The following ITPR1 variants were observed in gnomAD, a reference collection of about 807,000 sequenced individuals.
ITPR1 encodes inositol 1,4,5-trisphosphate-gated calcium channel ITPR1.
ITPR1 carries 96 observed loss-of-function variants against 318.4 expected under a neutral mutation model. That is an observed-to-expected ratio of 0.30 (90% CI 0.26 to 0.36). The LOEUF is 0.36. Ranked by LOEUF, ITPR1 falls within the 10% of genes least tolerant of loss-of-function variation. The pLI, the probability that ITPR1 is intolerant of heterozygous loss-of-function variation, is 1.00. For missense variants in ITPR1, 2,440 were observed against 3,460.2 expected (o/e 0.71, Z 7.40); for synonymous variants, 1,312 against 1,289.9 (o/e 1.02, Z -0.37).
chr3:4,788,998 C>T (rs558705367), intron 52 of ITPR1, among the ~76,000 whole-genome samples: 18 of 152,294 alleles, frequency 1.2e-4, no homozygotes, highest in South Asian at 6.2e-4. Context: ...TGAGCAGGCA[C>T]GGACCAGTGC....
chr3:4,507,400 T>C (rs192431861), intron 2 of ITPR1, among the ~76,000 whole-genome samples: 56 of 152,246 alleles, frequency 3.7e-4, no homozygotes, highest in Middle Eastern at 3.4e-3. Context: ...GAGGGAGAAA[T>C]TGAAGGCTTA....
chr3:4,814,245 C>T lies in ITPR1; in HGVS notation c.7562-178C>T, dbSNP rs1450821185. The T allele has an allele frequency of 7.5e-6, 5 of 668,388 alleles. No individual in the cohort carries two copies. In the Admixed American group the frequency reaches 1.1e-4, roughly 15 times the overall value. The allele number at this position is 668,388 out of a possible 1,614,324, so 41.4% of individuals were successfully genotyped here. A position where few individuals can be genotyped will look rare whatever the true frequency, so the allele number is the denominator to read the frequency against. ...AATTAGCGGGGGTTAGCGATGAAAA[C>T]AGTTGCCCCAGACGACTTTAGCTTT... On this transcript the variant is annotated intron_variant, in intron 57 of 61. Transcript: ENST00000649015.
Position 4,699,805 on chromosome 3 carries a change from T to C in ITPR1, c.4408-8T>C. 1 of 1,613,688 alleles carries C rather than the reference T, an allele frequency of 6.2e-7. No homozygotes were observed. The highest frequency in any genetic ancestry group is 8.5e-7 in the Non-Finnish European group (1 of 1,179,638). On this transcript the variant is annotated splice_region_variant and splice_polypyrimidine_tract_variant and intron_variant, in intron 34 of 61. Transcript: ENST00000649015. The stretch of plus-strand genomic sequence containing the variant: ...GTGTAATGCTTAACATACCCACTTG[T>C]CTTCCAGGCCTGTAACAACACTAGT...
intron 52 of ITPR1, among the ~76,000 whole-genome samples, chr3:4,789,596 GTTTTGTTTTTGTTTTTGT>G (rs71053444): frequency 1.7e-4 from 18 of 108,078 alleles, no homozygotes; most frequent in African/African-American, 2.6e-4. Context: ...ATCCTGAGGT[GTTTTGTTTTTGTTTTTGT>G]TTTTGTTTTT....
chr3:4,714,170 G>A (rs933380164), intron 39 of ITPR1, among the ~76,000 whole-genome samples: 2 of 152,032 alleles, frequency 1.3e-5, no homozygotes, highest in African/African-American at 4.8e-5. Flanking sequence ...GAAGCATGAC[G>A]CACAGGGCAG....
chr3:4,821,381 G>A (rs1487139309), intron 60 of ITPR1, among the ~76,000 whole-genome samples: 2 of 152,200 alleles, frequency 1.3e-5, no homozygotes, highest in Non-Finnish European at 2.9e-5. Flanking sequence ...AGAACCAATG[G>A]AAAAGCCCTC....
At chr3:4,612,063 CTTT>C (rs34678180) in intron 4 of ITPR1, among the ~76,000 whole-genome samples, 5,297 of 108,482 alleles carry the variant, frequency 0.049, 98 homozygotes, top group Middle Eastern at 0.11. Flanking sequence ...GTATCAGGCC[CTTT>C]TTTTTTTTTT....
chr3:4,673,577 T>TTTTG (rs58112934), intron 21 of ITPR1, among the ~76,000 whole-genome samples, 190 bp downstream of exon 21: 12 of 151,936 alleles, frequency 7.9e-5, no homozygotes, highest in African/African-American at 1.4e-4. Context: ...TGTTTTTGGT[T>TTTTG]TTTGTTTGTT....
In ITPR1 at chr3:4,493,371, C is replaced by T. The variant is rs1205572486; in HGVS notation, c.-327C>T. The T allele has an allele frequency of 6.5e-6, 1 of 154,304 alleles. No individual in the cohort carries two copies. Among genetic ancestry groups the T allele is most frequent in the Non-Finnish European group, 1.5e-5 (1 of 68,550 alleles). 9.6% of individuals were successfully genotyped at this position (154,304 alleles called of 1,614,324 possible). ...GTGCAGTAACCATGTGGATGTGCTGCTGAAGCGTTTCCTCAAGCTCGCTGG... is the reference window on the plus strand; with the variant it reads ...GTGCAGTAACCATGTGGATGTGCTGTTGAAGCGTTTCCTCAAGCTCGCTGG... On this transcript the variant is annotated 5_prime_UTR_variant, in exon 1 of 62. Transcript: ENST00000649015.
rs59656214 is a variant in ITPR1, at chr3:4,602,528, GAAAA to G, written c.164-25217_164-25214del. On this transcript the variant is annotated intron_variant, in intron 4 of 61. Coordinates refer to ENST00000649015, the MANE Select transcript of ITPR1 (RefSeq NM_001378452.1). ...GGGTAATGGGAGTGAGACCCTCTCA[GAAAA>G]AAAAAAAAAAAAAAAAACTTGTACA... Among the ~76,000 whole-genome samples the G allele has an allele frequency of 2.5e-3, 268 of 106,800 alleles. 3 individuals carry two copies. The highest frequency in any genetic ancestry group is 8.8e-3 in the East Asian group (37 of 4,204). 70.1% of individuals were successfully genotyped at this position (106,800 alleles called of 152,430 possible). A position where few individuals can be genotyped will look rare whatever the true frequency, so the allele number is the denominator to read the frequency against.
At chr3:4,548,802 CCCACA>C (rs1303809838) in intron 4 of ITPR1, among the ~76,000 whole-genome samples, 3 of 152,182 alleles carry the variant, frequency 2.0e-5, no homozygotes, top group Non-Finnish European at 4.4e-5. Flanking sequence ...TTCTTAGAAA[CCCACA>C]TTCTCTGTAA....
chr3:4,669,471 T>C (rs945278565), intron 18 of ITPR1, among the ~76,000 whole-genome samples, 183 bp from the exon 19 acceptor site: 2 of 152,196 alleles, frequency 1.3e-5, no homozygotes, highest in Non-Finnish European at 2.9e-5. Context: ...TCTTGTTTCC[T>C]CTTCCTTCTT....
intron 2 of ITPR1, among the ~76,000 whole-genome samples, chr3:4,495,207 A>T (rs2080456764): frequency 1.3e-5 from 2 of 151,642 alleles, no homozygotes; most frequent in African/African-American, 2.4e-5. Flanking sequence ...GGGTGCACGT[A>T]CATCACTATT....
At chr3:4,728,783 C>T (rs986975482) in intron 42 of ITPR1, among the ~76,000 whole-genome samples, 1 of 152,168 alleles carries the variant, frequency 6.6e-6, no homozygotes, top group African/African-American at 2.4e-5. Context: ...TAGCCAGATG[C>T]ACCTGTACTC....
Position 4,779,660 on chromosome 3 carries a change from G to A in ITPR1, c.6387+15G>A, listed in dbSNP as rs377482276. 47 of 1,542,850 alleles carry A rather than the reference G, an allele frequency of 3.0e-5. No individual in the cohort carries two copies. The highest frequency in any genetic ancestry group is 1.2e-4 in the African/African-American group (9 of 73,486). On this transcript the variant is annotated intron_variant, in intron 49 of 61. Coordinates refer to ENST00000649015, the MANE Select transcript of ITPR1 (RefSeq NM_001378452.1). The surrounding 1 kb of genome is among the most constrained non-coding windows in gnomAD (Gnocchi z 4.0). ...CCAAGGAACTGGTGAGTCGGGTGAC[G>A]GATCTGATGGTAGCACCAAGGAGCA...
chr3:4,661,138 A>G, intron 14 of ITPR1, 51 bp downstream of exon 14: 1 of 1,068,882 alleles, frequency 9.4e-7, no homozygotes, highest in African/African-American at 1.6e-5. Flanking sequence ...TTCCTAATGA[A>G]AGGGCTCCTT....
intron 60 of ITPR1, among the ~76,000 whole-genome samples, chr3:4,833,224 G>C (rs1237853536): frequency 6.6e-6 from 1 of 152,174 alleles, no homozygotes; most frequent in African/African-American, 2.4e-5. Flanking sequence ...AGGTACATAT[G>C]GCATGAAAGA....
chr3:4,704,139 G>A (rs6784635), intron 36 of ITPR1, among the ~76,000 whole-genome samples: 40,983 of 152,178 alleles, frequency 0.27, 6,659 homozygotes, highest in Non-Finnish European at 0.38. Context: ...GAGGCCGGGC[G>A]CAGTGGCTCA....
chr3:4,564,797 G>A (rs1296502596), intron 4 of ITPR1, among the ~76,000 whole-genome samples: 1 of 152,142 alleles, frequency 6.6e-6, no homozygotes, highest in Non-Finnish European at 1.5e-5. Flanking sequence ...TGCCTGAACT[G>A]TCTCAGACAC....
Sources: allele counts gnomAD v4.1 joint callset (sites outside exome capture counted in the v4.1 genomes callset), GRCh38; gene constraint gnomAD v4.1.1; non-coding constraint Gnocchi (gnomAD v3.1); transcripts MANE v1.5; gene names NCBI Gene and HGNC (gene_info 2026-07-23, HGNC 2026-07-21).